Variants in BBS4 observed in about 807,000 individuals in gnomAD.
The protein encoded by BBS4 is BBSome complex member BBS4.
A neutral mutation model predicts 71.4 loss-of-function variants in BBS4; 58 were observed. That is an observed-to-expected ratio of 0.81 (90% confidence interval 0.66 to 1.01). BBS4 has a LOEUF of 1.01. Ranked by LOEUF, BBS4 falls within the 50% of genes least tolerant of loss-of-function variation. The probability of loss-of-function intolerance (pLI) is 0.00; values close to 1 mark genes in which losing one functional copy is unlikely to be tolerated. For missense variants in BBS4, 660 were observed against 607.9 expected, an observed-to-expected ratio of 1.09 and a Z score of -0.90; for synonymous variants, 228 against 216.8, an observed-to-expected ratio of 1.05 and a Z score of -0.46.
chr15:72,719,310 A>G (rs1367305344), intron 6 of BBS4, among the ~76,000 whole-genome samples: 1 of 147,458 alleles, frequency 6.8e-6, no homozygotes, highest in Non-Finnish European at 1.5e-5. Context: ...GCTGGAGTAT[A>G]GTGGGGTGAT....
intron 2 of BBS4, among the ~76,000 whole-genome samples, chr15:72,705,585 T>A (rs976629530): frequency 1.8e-5 from 2 of 110,622 alleles, no homozygotes; most frequent in African/African-American, 6.3e-5. Flanking sequence ...ACATGGCTTG[T>A]CCTTTTTTTT....
intron 7 of BBS4, 69 bp downstream of exon 7, chr15:72,722,916 TTTGGTA>T: frequency 7.4e-7 from 1 of 1,353,934 alleles, no homozygotes; most frequent in Non-Finnish European, 1.1e-6. Context: ...ACATTGCTCA[TTTGGTA>T]TTATCCCTAG....
rs1419223053 is a variant in BBS4, at chr15:72,736,853, A to C, written c.1340A>C (p.His447Pro). The change falls in exon 15 of 16, where the codon CAC (histidine) becomes CCC (proline). Residue 447 changes from histidine to proline, a missense_variant. Transcript: ENST00000268057. The stretch of plus-strand genomic sequence containing the variant: ...CCAGTTAAAGATCCCAAATCAAAGC[A>C]CCAGACCACTTCAACCAGCAAACCT... Reference protein sequence around the residue: ...TKPVKDPKSKHQTTSTSKPAS... With the variant: ...TKPVKDPKSKPQTTSTSKPAS... The C allele has an allele frequency of 1.9e-6, 3 of 1,614,202 alleles. No homozygotes were observed. The highest frequency in any genetic ancestry group is 2.5e-6 in the Non-Finnish European group (3 of 1,180,038).
chr15:72,736,088 C>T, intron 14 of BBS4, 122 bp downstream of exon 14: 2 of 1,128,992 alleles, frequency 1.8e-6, no homozygotes, highest in South Asian at 1.4e-5. Flanking sequence ...TTTGATGTTC[C>T]TAGCAGCATG....
At chr15:72,725,840 TCCCCATCC>T in intron 8 of BBS4, among the ~76,000 whole-genome samples, 1 of 1,088 alleles carries the variant, frequency 9.2e-4, no homozygotes, top group African/African-American at 1.6e-3. Context: ...CATCCCCCTT[TCCCCATCC>T]CCCTTTCCCC....
intron 6 of BBS4, among the ~76,000 whole-genome samples, chr15:72,720,871 A>C (rs988811174): frequency 6.6e-6 from 1 of 152,206 alleles, no homozygotes; most frequent in East Asian, 1.9e-4. Flanking sequence ...GCCCTTTCCA[A>C]ATTTCTTTTG....
chr15:72,695,638 G>A (rs902411189), intron 2 of BBS4, among the ~76,000 whole-genome samples: 9 of 152,190 alleles, frequency 5.9e-5, no homozygotes, highest in African/African-American at 2.2e-4. Context: ...ATTTCAAAAT[G>A]AGTGTTGGGA....
At chr15:72,725,397 A>G (rs2065652785) in intron 8 of BBS4, among the ~76,000 whole-genome samples, 1 of 152,030 alleles carries the variant, frequency 6.6e-6, no homozygotes, top group Non-Finnish European at 1.5e-5. Flanking sequence ...TGACCCAGAA[A>G]TTGCACACAT....
rs373481631 is a variant in BBS4, at chr15:72,735,839, T to G, written c.1121T>G (p.Val374Gly). 1.9e-6 allele frequency: 3 copies of G among 1,614,206 alleles called. No homozygotes were observed. The highest frequency in any genetic ancestry group is 2.5e-6 in the Non-Finnish European group (3 of 1,180,026). Residue 374 changes from valine to glycine, a missense_variant, in exon 14 of 16, where the codon GTA becomes GGA. Physicochemically the swap from Val to Gly is moderately radical, Grantham distance 109. Coordinates refer to ENST00000268057, the MANE Select transcript of BBS4 (RefSeq NM_033028.5). ...AVHLDKCNPL[V>G]NLNYAVLLYN... is the part of the protein sequence containing the mutation. Reference sequence around the variant, plus strand: ...GTCTGCCACAGGTGTAACCCTTTAGTAAACCTGAACTATGCTGTGCTGCTG... The same window carrying G: ...GTCTGCCACAGGTGTAACCCTTTAGGAAACCTGAACTATGCTGTGCTGCTG...
intron 1 of BBS4, among the ~76,000 whole-genome samples, chr15:72,690,668 C>T (rs1259741642): frequency 2.0e-5 from 3 of 152,184 alleles, no homozygotes; most frequent in Non-Finnish European, 4.4e-5. Context: ...TATAGTTGCA[C>T]AGCTGTCATC....
In BBS4 at chr15:72,722,900, G is replaced by A; in HGVS notation, c.459+53G>A. 4 of 1,489,910 alleles carry A rather than the reference G, an allele frequency of 2.7e-6. No individual in the cohort carries two copies. The South Asian group carries it at 3.4e-5, about 13-fold the overall frequency. 92.3% of individuals were successfully genotyped at this position (1,489,910 alleles called of 1,614,324 possible). A position where few individuals can be genotyped will look rare whatever the true frequency, so the allele number is the denominator to read the frequency against. ...CACTGAGGGTGCACTTGTTGCAGAA[G>A]TTGTTACATTGCTCATTTGGTATTA... On this transcript the variant is annotated intron_variant, in intron 7 of 15. Transcript: ENST00000268057.
intron 7 of BBS4, among the ~76,000 whole-genome samples, chr15:72,724,074 A>G (rs2065623904): frequency 6.6e-6 from 1 of 152,212 alleles, no homozygotes; most frequent in South Asian, 2.1e-4. Flanking sequence ...CTAGAACAGC[A>G]AGCAGTTGGG....
intron 1 of BBS4, among the ~76,000 whole-genome samples, chr15:72,689,511 T>C (rs931332665): frequency 2.0e-5 from 3 of 152,128 alleles, no homozygotes; most frequent in Admixed American, 2.0e-4. Context: ...GGTGAGAGGA[T>C]AACTTGAGTC....
chr15:72,723,936 A>G (rs925972535), intron 7 of BBS4, among the ~76,000 whole-genome samples: 3 of 152,242 alleles, frequency 2.0e-5, no homozygotes, highest in Non-Finnish European at 2.9e-5. Flanking sequence ...GGCAAATACA[A>G]TACCTGGCAT....
At chr15:72,721,070 A>G (rs1248316333) in intron 6 of BBS4, among the ~76,000 whole-genome samples, 1 of 152,212 alleles carries the variant, frequency 6.6e-6, no homozygotes, top group African/African-American at 2.4e-5. Context: ...ATGCATTCTT[A>G]TAGCATGACA....
At chr15:72,692,557 C>A (rs993335396) in intron 1 of BBS4, among the ~76,000 whole-genome samples, 1 of 151,624 alleles carries the variant, frequency 6.6e-6, no homozygotes, top group African/African-American at 2.4e-5. Flanking sequence ...AAGCAATCGG[C>A]CTGCCTCAGC....
At chr15:72,712,583 C>T (rs1048655446) in intron 4 of BBS4, among the ~76,000 whole-genome samples, 3 of 152,044 alleles carry the variant, frequency 2.0e-5, no homozygotes, top group Admixed American at 6.5e-5. Context: ...GGTGTTATAC[C>T]GAATACTGTA....
chr15:72,721,107 G>A (rs1415171903), intron 6 of BBS4, among the ~76,000 whole-genome samples: 1 of 152,158 alleles, frequency 6.6e-6, no homozygotes, highest in Non-Finnish European at 1.5e-5. Context: ...AGTTTTGGAA[G>A]CAGGCCTGAG....
intron 7 of BBS4, among the ~76,000 whole-genome samples, chr15:72,723,506 A>C (rs962146500): frequency 6.6e-6 from 1 of 152,186 alleles, no homozygotes; most frequent in Non-Finnish European, 1.5e-5. Context: ...TAGAGCTCAC[A>C]GTTAGTGATT....
Sources: allele counts gnomAD v4.1 joint callset (sites outside exome capture counted in the v4.1 genomes callset), GRCh38; gene constraint gnomAD v4.1.1; transcripts MANE v1.5; gene names NCBI Gene and HGNC (gene_info 2026-07-23, HGNC 2026-07-21).